Variants in PLD5 observed in about 807,000 individuals in gnomAD.
PLD5 encodes inactive phospholipase D5.
PLD5 carries 36 observed loss-of-function variants against 61.1 expected under a neutral mutation model. The ratio of observed to expected loss-of-function variants is 0.59; its 90% CI spans 0.45 to 0.78. The LOEUF is 0.78. Among genes scored for constraint, PLD5 ranks in the 30% least tolerant of loss-of-function variants. The probability of loss-of-function intolerance (pLI) is 0.00; values close to 1 mark genes in which losing one functional copy is unlikely to be tolerated. For synonymous variants in PLD5, 243 were observed against 242.8 expected, an observed-to-expected ratio of 1.00 and a Z score of -0.01; for missense variants, 515 against 644.4, an observed-to-expected ratio of 0.80 and a Z score of 2.17.
At chr1:242,137,360 C>T (rs1256334697) in intron 5 of PLD5, among the ~76,000 whole-genome samples, 2 of 152,198 alleles carry the variant, frequency 1.3e-5, no homozygotes, top group African/African-American at 2.4e-5. Context: ...TTGCAACATA[C>T]TTTCCTACTT....
At chr1:242,347,958 T>A in intron 2 of PLD5, 148 bp downstream of exon 2, 2 of 805,356 alleles carry the variant, frequency 2.5e-6, no homozygotes, top group Non-Finnish European at 3.9e-6. Flanking sequence ...AAAGTAAGAG[T>A]ACTAGTGGAC....
At chr1:242,471,147 C>T (rs2102949402) in intron 1 of PLD5, among the ~76,000 whole-genome samples, 1 of 152,310 alleles carries the variant, frequency 6.6e-6, no homozygotes, top group South Asian at 2.1e-4. Flanking sequence ...GGGGCTATGT[C>T]AGAGCATCTG....
At chr1:242,418,077 T>C (rs1416526941) in intron 1 of PLD5, among the ~76,000 whole-genome samples, 1 of 152,182 alleles carries the variant, frequency 6.6e-6, no homozygotes, top group African/African-American at 2.4e-5. Context: ...TAATGTAGTT[T>C]AAACTAGGAT....
At chr1:242,319,405 G>A (rs976048354) in intron 2 of PLD5, among the ~76,000 whole-genome samples, 1 of 150,716 alleles carries the variant, frequency 6.6e-6, no homozygotes, top group Non-Finnish European at 1.5e-5. Context: ...AAGTGTATAT[G>A]TGTGCATACA....
intron 1 of PLD5, among the ~76,000 whole-genome samples, chr1:242,457,289 A>G (rs937976506): frequency 2.6e-5 from 4 of 152,176 alleles, no homozygotes; most frequent in Non-Finnish European, 5.9e-5. Context: ...CTTCAAAATT[A>G]CAATTACTTA....
At chr1:242,246,249 C>T (rs1237500590) in intron 4 of PLD5, among the ~76,000 whole-genome samples, 1 of 151,972 alleles carries the variant, frequency 6.6e-6, no homozygotes. Context: ...GCCTGCAGTC[C>T]CAGCTACTCA....
At chr1:242,334,888 T>C (rs1456901207) in intron 2 of PLD5, among the ~76,000 whole-genome samples, 1 of 152,164 alleles carries the variant, frequency 6.6e-6, no homozygotes, top group African/African-American at 2.4e-5. Flanking sequence ...GTTCCTCACA[T>C]TTATTTTTCC....
chr1:242,490,020 C>T (rs903864089), intron 1 of PLD5, among the ~76,000 whole-genome samples: 1 of 152,178 alleles, frequency 6.6e-6, no homozygotes, highest in Non-Finnish European at 1.5e-5. Context: ...AGGAGCCATT[C>T]GAACTTTTAA....
chr1:242,486,476 G>T (rs1425945770), intron 1 of PLD5, among the ~76,000 whole-genome samples: 3 of 151,998 alleles, frequency 2.0e-5, no homozygotes, highest in African/African-American at 7.2e-5. Flanking sequence ...ATCATCACTG[G>T]CCATCAGAGA....
rs1232281518 is a variant in PLD5, at chr1:242,489,919, T to C, written c.189+34169A>G. Among the ~76,000 whole-genome samples the C allele has an allele frequency of 3.3e-5, 5 of 152,276 alleles. No homozygotes were observed. The South Asian group carries it at 8.3e-4, about 25-fold the overall frequency. On this transcript the variant is annotated intron_variant, in intron 1 of 9. Coordinates refer to ENST00000536534, the MANE Select transcript of PLD5 (RefSeq NM_001372062.1). ...AAATGAGCTTTCTTGAGATAGGAGATTGAAATTGTAAGATTGAAAGGATGA... is the reference window on the plus strand; with the variant it reads ...AAATGAGCTTTCTTGAGATAGGAGACTGAAATTGTAAGATTGAAAGGATGA...
At chr1:242,318,639 T>C (rs1470178852) in intron 2 of PLD5, among the ~76,000 whole-genome samples, 3 of 147,048 alleles carry the variant, frequency 2.0e-5, no homozygotes, top group African/African-American at 7.7e-5. Flanking sequence ...TTATAACTTT[T>C]TGGGGCTTTT....
At chr1:242,367,848 G>A (rs185028567) in intron 1 of PLD5, among the ~76,000 whole-genome samples, 1 of 152,244 alleles carries the variant, frequency 6.6e-6, no homozygotes, top group Non-Finnish European at 1.5e-5. Flanking sequence ...TGAAACATCA[G>A]AAGAGATTAT....
intron 4 of PLD5, among the ~76,000 whole-genome samples, chr1:242,241,710 C>A (rs577526863): frequency 4.0e-5 from 6 of 151,764 alleles, no homozygotes; most frequent in African/African-American, 9.7e-5. Context: ...GAGGTACAGG[C>A]TTCTCCATCT....
At chr1:242,288,843 C>T (rs968460768) in intron 2 of PLD5, among the ~76,000 whole-genome samples, 6 of 152,142 alleles carry the variant, frequency 3.9e-5, no homozygotes, top group African/African-American at 1.4e-4. Context: ...TACACAAGTA[C>T]CTTCTTCTAG....
chr1:242,213,967 G>A (rs1669985454), intron 5 of PLD5, among the ~76,000 whole-genome samples: 1 of 151,886 alleles, frequency 6.6e-6, no homozygotes. Flanking sequence ...CAGTTGCTAG[G>A]TTATGATCCT....
Position 242,212,546 on chromosome 1 carries a change from G to A in PLD5, c.735+7442C>T, listed in dbSNP as rs932341342. Among the ~76,000 whole-genome samples the A allele has an allele frequency of 2.0e-5, 3 of 152,218 alleles. No individual in the cohort carries two copies. In the East Asian group the frequency reaches 5.8e-4, roughly 29 times the overall value. ...AGCCAGGCCCAGCATGCAGAAGCTAGCCTGCTGGGGATGGGCAGGAGGCAC... is the reference window on the plus strand; with the variant it reads ...AGCCAGGCCCAGCATGCAGAAGCTAACCTGCTGGGGATGGGCAGGAGGCAC... On this transcript the variant is annotated intron_variant, in intron 5 of 9. Coordinates refer to ENST00000536534, the MANE Select transcript of PLD5 (RefSeq NM_001372062.1).
At chr1:242,363,220 C>T (rs983805507) in intron 1 of PLD5, among the ~76,000 whole-genome samples, 19 of 151,960 alleles carry the variant, frequency 1.3e-4, no homozygotes, top group Admixed American at 3.3e-4. Context: ...AAAGAGTTGG[C>T]GTTCCACTCA....
chr1:242,428,935 T>C (rs1406045089), intron 1 of PLD5, among the ~76,000 whole-genome samples: 1 of 152,214 alleles, frequency 6.6e-6, no homozygotes, highest in African/African-American at 2.4e-5. Flanking sequence ...GTGATGAATG[T>C]TGAGGCTTCC....
At chr1:242,193,811 A>G (rs645863) in intron 5 of PLD5, among the ~76,000 whole-genome samples, 3,855 of 152,300 alleles carry the variant, frequency 0.025, 183 homozygotes, top group African/African-American at 0.088. Context: ...GTTTCCTTCA[A>G]GGGCTATGGG....
Sources: gnomAD v4.1 joint callset for allele counts (sites outside exome capture counted in the v4.1 genomes callset) on GRCh38, gnomAD v4.1.1 for gene constraint, MANE v1.5 for transcripts, NCBI Gene and HGNC (gene_info 2026-07-23, HGNC 2026-07-21) for gene names.